The following DLG2 variants were observed in gnomAD, a reference collection of about 807,000 sequenced individuals.
DLG2 encodes disks large homolog 2.
Under a neutral mutation model 132.5 loss-of-function variants are expected in DLG2, and 45 were observed. That is an observed-to-expected ratio of 0.34 (90% CI 0.27 to 0.44). DLG2 has a LOEUF of 0.44. Among genes scored for constraint, DLG2 ranks in the 20% least tolerant of loss-of-function variants. DLG2 has a pLI of 1.00. For synonymous variants in DLG2, 424 were observed against 419.6 expected, an observed-to-expected ratio of 1.01 and a Z score of -0.13; for missense variants, 1,045 against 1,196.9, an observed-to-expected ratio of 0.87 and a Z score of 1.87.
chr11:84,381,091 T>C (rs1601064766), intron 7 of DLG2, among the ~76,000 whole-genome samples: 1 of 152,016 alleles, frequency 6.6e-6, no homozygotes, highest in South Asian at 2.1e-4. Context: ...AATAAGATAA[T>C]ACTTTACAAA....
chr11:85,489,884 C>CAA (rs35876715), intron 3 of DLG2, among the ~76,000 whole-genome samples: 1 of 151,930 alleles, frequency 6.6e-6, no homozygotes, highest in African/African-American at 2.4e-5. Context: ...AAAGGACATG[C>CAA]AAAAAATGAG....
At chr11:83,981,340 A>G (rs1477799848) in intron 11 of DLG2, among the ~76,000 whole-genome samples, 1 of 152,174 alleles carries the variant, frequency 6.6e-6, no homozygotes, top group Non-Finnish European at 1.5e-5. Context: ...CACACAAAAA[A>G]GTGAATTATT....
In DLG2 at chr11:85,411,407, G is replaced by C. The variant is rs181249382; in HGVS notation, c.41-126042C>G. Reference sequence around the variant, plus strand: ...GTTAAAGAACATAGACATTATAAGAGAGGGTACTAGTTGGGATATTGAATT... The same window carrying C: ...GTTAAAGAACATAGACATTATAAGACAGGGTACTAGTTGGGATATTGAATT... On this transcript the variant is annotated intron_variant, in intron 3 of 27. Coordinates refer to ENST00000376104, the MANE Select transcript of DLG2 (RefSeq NM_001142699.3). Among the ~76,000 whole-genome samples the C allele has an allele frequency of 1.3e-3, 191 of 151,946 alleles. 1 individual carries two copies. Among genetic ancestry groups the C allele is most frequent in the African/African-American group, 4.4e-3 (182 of 41,504 alleles).
intron 6 of DLG2, among the ~76,000 whole-genome samples, chr11:84,653,826 T>C (rs2099684965): frequency 6.6e-6 from 1 of 152,118 alleles, no homozygotes; most frequent in Non-Finnish European, 1.5e-5. Flanking sequence ...GGATGGGGCA[T>C]AGTGAGGAAG....
chr11:84,445,733 G>A (rs1014652020), intron 7 of DLG2, among the ~76,000 whole-genome samples: 1 of 151,754 alleles, frequency 6.6e-6, no homozygotes, highest in Non-Finnish European at 1.5e-5. Flanking sequence ...TGGCTAACAT[G>A]GTGAAACCCC....
intron 6 of DLG2, among the ~76,000 whole-genome samples, chr11:84,649,889 T>A (rs1305678692): frequency 6.6e-6 from 1 of 152,164 alleles, no homozygotes; most frequent in Admixed American, 6.5e-5. Flanking sequence ...TCAGACCTGC[T>A]CTTAAAGCTG....
At chr11:84,049,904 G>A (rs1304072870) in intron 11 of DLG2, among the ~76,000 whole-genome samples, 1 of 151,726 alleles carries the variant, frequency 6.6e-6, no homozygotes, top group East Asian at 1.9e-4. Flanking sequence ...TGGATATGAT[G>A]TCAGCAGATA....
chr11:84,540,831 C>T (rs1354441996), intron 6 of DLG2, among the ~76,000 whole-genome samples: 15 of 152,068 alleles, frequency 9.9e-5, no homozygotes, highest in Non-Finnish European at 1.2e-4. Context: ...GAAAATGTGG[C>T]ACATATACAC....
intron 3 of DLG2, among the ~76,000 whole-genome samples, chr11:85,536,653 C>T (rs1478001864): frequency 2.0e-5 from 3 of 152,336 alleles, no homozygotes; most frequent in Non-Finnish European, 4.4e-5. Flanking sequence ...GGGCTGCGTG[C>T]GGTGCTCACA....
chr11:84,540,451 A>T (rs1268980830), intron 6 of DLG2, among the ~76,000 whole-genome samples: 1 of 152,200 alleles, frequency 6.6e-6, no homozygotes, highest in Non-Finnish European at 1.5e-5. Flanking sequence ...AATGCTCATC[A>T]TCACTGGCCA....
chr11:83,943,544 T>TCACC (rs1243484195), intron 14 of DLG2, among the ~76,000 whole-genome samples: 1 of 152,260 alleles, frequency 6.6e-6, no homozygotes. Context: ...TTAACTGGTA[T>TCACC]CACCATATTT....
intron 6 of DLG2, among the ~76,000 whole-genome samples, chr11:84,583,497 C>A (rs1484059234): frequency 6.6e-6 from 1 of 152,202 alleles, no homozygotes; most frequent in Non-Finnish European, 1.5e-5. Flanking sequence ...GAAAAACTTG[C>A]TATCTTAACA....
chr11:85,415,406 T>C lies in DLG2; in HGVS notation c.41-130041A>G, dbSNP rs188951945. Among the ~76,000 whole-genome samples the C allele has an allele frequency of 2.9e-3, 442 of 152,130 alleles. 1 individual carries two copies. The highest frequency in any genetic ancestry group is 0.01 in the African/African-American group (428 of 41,540). On this transcript the variant is annotated intron_variant, in intron 3 of 27. Transcript: ENST00000376104. ...GGGACTGCTGGGTCAAATGGTATTTTTAGTTCTAGATCCTTGAGGAATTGC... is the reference window on the plus strand; with the variant it reads ...GGGACTGCTGGGTCAAATGGTATTTCTAGTTCTAGATCCTTGAGGAATTGC...
At chr11:84,675,169 C>T (rs571425338) in intron 6 of DLG2, among the ~76,000 whole-genome samples, 1 of 152,230 alleles carries the variant, frequency 6.6e-6, no homozygotes, top group Non-Finnish European at 1.5e-5. Context: ...AGTGTTGATT[C>T]TGCTGTCTTG....
intron 7 of DLG2, among the ~76,000 whole-genome samples, chr11:84,469,479 G>T (rs934565010): frequency 6.6e-6 from 1 of 151,602 alleles, no homozygotes; most frequent in African/African-American, 2.4e-5. Flanking sequence ...GTAAGACATG[G>T]TAGGAGAGCT....
intron 9 of DLG2, among the ~76,000 whole-genome samples, chr11:84,113,545 TTTGGAAAC>T (rs2093471576): frequency 6.6e-6 from 1 of 152,198 alleles, no homozygotes; most frequent in South Asian, 2.1e-4. Context: ...CACATTAGAA[TTTGGAAAC>T]TTTGTATTCA....
chr11:85,546,421 C>T (rs1186528100), intron 3 of DLG2, among the ~76,000 whole-genome samples: 1 of 152,036 alleles, frequency 6.6e-6, no homozygotes, highest in African/African-American at 2.4e-5. Flanking sequence ...ATTATGTGGC[C>T]AATTTTAGAA....
chr11:83,766,228 G>A (rs138767763), intron 18 of DLG2, among the ~76,000 whole-genome samples: 2,825 of 151,738 alleles, frequency 0.019, 63 homozygotes, highest in African/African-American at 0.056. Context: ...CAAGTAGCTG[G>A]GACTACAGGC....
chr11:84,067,374 A>C (rs923487928), intron 10 of DLG2, among the ~76,000 whole-genome samples: 1 of 152,140 alleles, frequency 6.6e-6, no homozygotes, highest in Admixed American at 6.6e-5. Flanking sequence ...GAATCTGTTC[A>C]AAAGGAATAA....
Sources: gnomAD v4.1 joint callset for allele counts (sites outside exome capture counted in the v4.1 genomes callset) on GRCh38, gnomAD v4.1.1 for gene constraint, MANE v1.5 for transcripts, NCBI Gene and HGNC (gene_info 2026-07-23, HGNC 2026-07-21) for gene names.